The following MAML2 variants were observed in gnomAD, a reference collection of about 807,000 sequenced individuals.
MAML2 encodes mastermind-like protein 2.
MAML2 carries 22 observed loss-of-function variants against 96.1 expected under a neutral mutation model. That is an observed-to-expected ratio of 0.23 (90% CI 0.16 to 0.33). The LOEUF is 0.33. Ranked by LOEUF, MAML2 falls within the 10% of genes least tolerant of loss-of-function variation. The pLI, the probability that MAML2 is intolerant of heterozygous loss-of-function variation, is 1.00. For missense variants in MAML2, 1,367 were observed against 1,392.4 expected (o/e 0.98, Z 0.29); for synonymous variants, 561 against 521.3 (o/e 1.08, Z -1.04).
At chr11:96,098,921 A>G (rs1859877771) in intron 1 of MAML2, among the ~76,000 whole-genome samples, 1 of 152,242 alleles carries the variant, frequency 6.6e-6, no homozygotes, top group Non-Finnish European at 1.5e-5. Flanking sequence ...TGAAAATGCC[A>G]TTATTGCACA....
intron 1 of MAML2, among the ~76,000 whole-genome samples, chr11:96,232,314 A>G (rs1434265625): frequency 1.3e-5 from 2 of 152,202 alleles, no homozygotes; most frequent in Non-Finnish European, 2.9e-5. Context: ...TAAGTGAGAA[A>G]TTGTTTGGCA....
At chr11:95,998,133 T>A (rs968564516) in intron 2 of MAML2, among the ~76,000 whole-genome samples, 7 of 137,638 alleles carry the variant, frequency 5.1e-5, no homozygotes, top group South Asian at 4.8e-4. Context: ...TCTGTCTGTC[T>A]GTCTGTCAGT....
intron 1 of MAML2, among the ~76,000 whole-genome samples, chr11:96,160,180 T>G (rs1263082778): frequency 6.6e-6 from 1 of 152,170 alleles, no homozygotes; most frequent in Non-Finnish European, 1.5e-5. Flanking sequence ...GGTGCTTATG[T>G]TTAGATGATC....
chr11:96,214,165 G>T (rs1054417291), intron 1 of MAML2, among the ~76,000 whole-genome samples: 2 of 152,196 alleles, frequency 1.3e-5, no homozygotes, highest in East Asian at 3.8e-4. Flanking sequence ...TAATATATGT[G>T]CAGTTTTAAC....
In MAML2 at chr11:96,092,075, T is replaced by TTGC. The variant is rs768485776; in HGVS notation, c.1953_1955dup (p.Gln665dup). ...GCTGCTGCTGTTGTTGCTGTTGTTG[T>TTGC]TGCTGCTGCTGCTGCTGTTGTTGCT... On this transcript the variant is annotated inframe_insertion, in exon 2 of 5. Coordinates refer to ENST00000524717, the MANE Select transcript of MAML2 (RefSeq NM_032427.4). This position sits in a 1 kb window ranked among gnomAD's most constrained non-coding sequence, Gnocchi z 4.1. The TTGC allele has an allele frequency of 9.0e-6, 14 of 1,548,006 alleles. No individual in the cohort carries two copies. The East Asian group carries it at 1.2e-4, about 14-fold the overall frequency.
chr11:96,251,788 G>T (rs1024266383), intron 1 of MAML2, among the ~76,000 whole-genome samples: 1 of 149,416 alleles, frequency 6.7e-6, no homozygotes, highest in Non-Finnish European at 1.5e-5. Context: ...CTGGAGTGCA[G>T]TGACGCGATC....
rs750669452 is a variant in MAML2 at position 96,321,951 on chromosome 11, TTTG to T, written c.513+19429_513+19431del. Among the ~76,000 whole-genome samples, 20 of 152,274 alleles carry T rather than the reference TTTG, an allele frequency of 1.3e-4. No individual in the cohort carries two copies. The East Asian group carries it at 1.3e-3, about 10-fold the overall frequency. On this transcript the variant is annotated intron_variant, in intron 1 of 4. Transcript: ENST00000524717. ...AAAAATGTTCCTGAAGGCCGAGTTTTTTGTTGTTGTTGTTGTTGTTTTTTTCCT... is the reference window on the plus strand; with the variant it reads ...AAAAATGTTCCTGAAGGCCGAGTTTTTTGTTGTTGTTGTTGTTTTTTTCCT...
intron 1 of MAML2, among the ~76,000 whole-genome samples, chr11:96,248,394 G>A (rs971455940): frequency 2.0e-5 from 3 of 151,902 alleles, no homozygotes; most frequent in Admixed American, 1.3e-4. Flanking sequence ...TTACAGGTGT[G>A]AGCCACCATG....
At position 96,081,500 on chromosome 11, in the gene MAML2, G is replaced by C. The variant is rs191877639; in HGVS notation, c.2139+10392C>G. On this transcript the variant is annotated intron_variant, in intron 2 of 4. Transcript: ENST00000524717. ...TTGCCTCCATTTAATGAATGTGTAT[G>C]GTTTTCATATATTTAAAAAAAAAAC... 3.2e-3 allele frequency among the ~76,000 whole-genome samples: 475 copies of C among 146,632 alleles called. 1 individual carries two copies. Among genetic ancestry groups the C allele is most frequent in the Non-Finnish European group, 5.2e-3 (338 of 65,316 alleles).
intron 1 of MAML2, among the ~76,000 whole-genome samples, chr11:96,256,730 C>T (rs1372694323): frequency 3.9e-5 from 6 of 152,182 alleles, no homozygotes; most frequent in African/African-American, 7.2e-5. Flanking sequence ...AGGCATTCCT[C>T]GTCCACAGTC....
At chr11:96,164,355 A>G (rs1284914158) in intron 1 of MAML2, among the ~76,000 whole-genome samples, 1 of 152,192 alleles carries the variant, frequency 6.6e-6, no homozygotes, top group East Asian at 1.9e-4. Flanking sequence ...AGAAAGCAAG[A>G]CCCAGAGAAT....
chr11:96,247,034 C>T (rs902470264), intron 1 of MAML2, among the ~76,000 whole-genome samples: 23 of 152,074 alleles, frequency 1.5e-4, no homozygotes, highest in Non-Finnish European at 1.8e-4. Flanking sequence ...TGTGATCCTC[C>T]TTACATAAGG....
chr11:96,036,916 C>T (rs1239236659), intron 2 of MAML2, among the ~76,000 whole-genome samples: 1 of 152,172 alleles, frequency 6.6e-6, no homozygotes, highest in East Asian at 1.9e-4. Flanking sequence ...ACTCCCAGCT[C>T]AGAGGACTGT....
intron 2 of MAML2, among the ~76,000 whole-genome samples, chr11:96,010,413 G>A (rs1019981895): frequency 5.3e-5 from 8 of 152,126 alleles, no homozygotes; most frequent in African/African-American, 1.9e-4. Context: ...TTATATGTAG[G>A]GGACACTTAA....
chr11:96,169,956 A>G (rs898020801), intron 1 of MAML2, among the ~76,000 whole-genome samples: 5 of 152,220 alleles, frequency 3.3e-5, no homozygotes, highest in African/African-American at 7.2e-5. Context: ...CCCGACCAGT[A>G]AAACTTTATT....
intron 1 of MAML2, among the ~76,000 whole-genome samples, chr11:96,180,270 CCT>C (rs1861461843): frequency 6.6e-6 from 1 of 152,198 alleles, no homozygotes; most frequent in Non-Finnish European, 1.5e-5. Context: ...CACTCCTCCC[CCT>C]GAGAGGTGGG....
chr11:96,037,483 C>A (rs1428426399), intron 2 of MAML2, among the ~76,000 whole-genome samples: 1 of 152,182 alleles, frequency 6.6e-6, no homozygotes, highest in East Asian at 1.9e-4. Context: ...AGCCCTGTTA[C>A]TGAAGCATGC....
intron 2 of MAML2, among the ~76,000 whole-genome samples, chr11:96,069,814 A>G (rs1460096793): frequency 1.3e-5 from 2 of 152,022 alleles, no homozygotes. Context: ...CACAAGGTCA[A>G]GAGATGGAGA....
At chr11:96,339,597 C>T (rs948811642) in intron 1 of MAML2, among the ~76,000 whole-genome samples, 7 of 152,292 alleles carry the variant, frequency 4.6e-5, no homozygotes, top group East Asian at 1.9e-4. Flanking sequence ...AGGGTTGGGC[C>T]GGGTGCCTCA....
Sources: allele counts gnomAD v4.1 joint callset (sites outside exome capture counted in the v4.1 genomes callset), GRCh38; gene constraint gnomAD v4.1.1; non-coding constraint Gnocchi (gnomAD v3.1); transcripts MANE v1.5; gene names NCBI Gene and HGNC (gene_info 2026-07-23, HGNC 2026-07-21).